Variants in LRTM3 observed in about 807,000 individuals in gnomAD.
LRTM3 encodes leucine rich repeat transmembrane protein 3.
At chr13:102,741,736 T>G in the LRTM3 span, 6 of 1,550,384 alleles carry the variant, frequency 3.9e-6, no homozygotes, top group Non-Finnish European at 5.2e-6. Context: ...TCTTCGATCC[T>G]TCTCTCTCCC....
chr13:102,756,611 T>C, the LRTM3 span, among the ~76,000 whole-genome samples: 2 of 137,020 alleles, frequency 1.5e-5, no homozygotes, highest in Admixed American at 8.6e-5. Context: ...GAGGCGGAGG[T>C]TGCAGTGAGC....
chr13:102,732,897 G>C, the LRTM3 span: 2 of 1,551,346 alleles, frequency 1.3e-6, no homozygotes, highest in Non-Finnish European at 1.7e-6. Flanking sequence ...TTTTCCTCCA[G>C]ATCCCCTGAT....
the LRTM3 span, chr13:102,733,630 G>T: frequency 1.3e-6 from 2 of 1,551,224 alleles, no homozygotes; most frequent in Non-Finnish European, 1.7e-6. Context: ...TTTCTGTTTT[G>T]TATTTTACAG....
the LRTM3 span, chr13:102,749,970 TAGAA>T: frequency 6.4e-7 from 1 of 1,550,846 alleles, no homozygotes; most frequent in Non-Finnish European, 8.7e-7. Flanking sequence ...ACTTGATCTC[TAGAA>T]AGAAATAAGT....
chr13:102,734,570 A>G, the LRTM3 span: 3 of 1,550,716 alleles, frequency 1.9e-6, no homozygotes, highest in Non-Finnish European at 2.6e-6. Context: ...TCTCATATCG[A>G]TTATTTTTTT....
chr13:102,744,122 A>G, the LRTM3 span: 67 of 1,550,362 alleles, frequency 4.3e-5, no homozygotes, highest in Non-Finnish European at 5.8e-5. Context: ...CTTCCCTTTC[A>G]TCTTGTACTT....
the LRTM3 span, chr13:102,734,078 T>C: frequency 1.3e-6 from 2 of 1,551,442 alleles, no homozygotes; most frequent in Non-Finnish European, 1.7e-6. Context: ...ATCTTTATCT[T>C]TGTGTACTTT....
chr13:102,734,668 A>T, the LRTM3 span: 1 of 1,550,992 alleles, frequency 6.4e-7, no homozygotes. Flanking sequence ...CTCTATGTAC[A>T]GTCTCCCCTA....
the LRTM3 span, chr13:102,733,400 G>T: frequency 6.4e-7 from 1 of 1,551,288 alleles, no homozygotes; most frequent in Non-Finnish European, 8.7e-7. Context: ...TTTCGATGAA[G>T]TTTCTTGCTG....
chr13:102,757,420 A>C, the LRTM3 span, among the ~76,000 whole-genome samples: 1 of 152,310 alleles, frequency 6.6e-6, no homozygotes, highest in African/African-American at 2.4e-5. Flanking sequence ...TGTAACCACC[A>C]GTAGTGGTTA....
the LRTM3 span, chr13:102,748,426 A>G: frequency 2.6e-6 from 4 of 1,551,136 alleles, no homozygotes; most frequent in Non-Finnish European, 3.5e-6. Flanking sequence ...CAAGTTCCAA[A>G]AAATCTTTTT....
At chr13:102,740,814 A>G in the LRTM3 span, 2 of 1,549,606 alleles carry the variant, frequency 1.3e-6, no homozygotes, top group African/African-American at 2.7e-5. Flanking sequence ...AGGTACCCTA[A>G]ACTATTGATT....
chr13:102,733,215 GTTC>G, the LRTM3 span: 1 of 1,551,334 alleles, frequency 6.4e-7, no homozygotes. Flanking sequence ...ACAATATCTT[GTTC>G]TTCTATATTT....
the LRTM3 span, chr13:102,738,471 T>G: frequency 5.8e-6 from 9 of 1,550,834 alleles, no homozygotes; most frequent in South Asian, 1.1e-4. Context: ...TCACCTTTAA[T>G]ATGTTCTATC....
chr13:102,729,374 T>G, the LRTM3 span: 1 of 1,111,088 alleles, frequency 9.0e-7, no homozygotes, highest in Non-Finnish European at 1.2e-6. Flanking sequence ...CCATTGGATG[T>G]TATATGATTG....
the LRTM3 span, chr13:102,738,198 C>A: frequency 1.4e-5 from 22 of 1,550,762 alleles, no homozygotes; most frequent in Non-Finnish European, 1.8e-5. Context: ...TGCATTATGT[C>A]TTTCTTAGCT....
the LRTM3 span, chr13:102,732,499 A>G: frequency 6.4e-7 from 1 of 1,551,152 alleles, no homozygotes; most frequent in Non-Finnish European, 8.7e-7. Flanking sequence ...GAACATATGA[A>G]TAAAATGAAT....
chr13:102,733,810 G>A, the LRTM3 span: 1 of 1,551,444 alleles, frequency 6.4e-7, no homozygotes. Flanking sequence ...TGATCATGAA[G>A]TTTGAGGTCA....
the LRTM3 span, chr13:102,745,148 T>C: frequency 6.4e-7 from 1 of 1,550,758 alleles, no homozygotes; most frequent in Admixed American, 2.0e-5. Context: ...TCCTTGGTTT[T>C]CTAATTTGTG....
Sources: allele counts gnomAD v4.1 joint callset (sites outside exome capture counted in the v4.1 genomes callset), GRCh38; gene constraint gnomAD v4.1.1; transcripts MANE v1.5; gene names NCBI Gene and HGNC (gene_info 2026-07-23, HGNC 2026-07-21).